ATP8B4: variants seen among roughly 807,000 people sequenced by gnomAD.
The protein encoded by ATP8B4 is probable phospholipid-transporting ATPase IM.
In ATP8B4, 133 loss-of-function variants were observed where a neutral mutation model predicts 145.6. The observed-to-expected ratio is 0.91, with a 90% CI of 0.79 to 1.05. ATP8B4 has a LOEUF of 1.05. ATP8B4 is among the 50% of genes least tolerant of loss of function. The pLI is 0.00. For missense variants in ATP8B4, 1,458 were observed against 1,425.2 expected (o/e 1.02, Z -0.37); for synonymous variants, 507 against 492.9 (o/e 1.03, Z -0.38).
At chr15:50,029,253 A>C (rs936468516) in intron 6 of ATP8B4, among the ~76,000 whole-genome samples, 1 of 151,116 alleles carries the variant, frequency 6.6e-6, no homozygotes, top group Non-Finnish European at 1.5e-5. Context: ...AAAAAAAAAA[A>C]AAAACAGAAA....
chr15:50,002,302 A>G, intron 7 of ATP8B4, 79 bp from the exon 8 acceptor site: 3 of 1,157,248 alleles, frequency 2.6e-6, no homozygotes, highest in Non-Finnish European at 3.7e-6. Flanking sequence ...TCACCTCTTG[A>G]CTACTAAAGA....
intron 3 of ATP8B4, among the ~76,000 whole-genome samples, chr15:50,069,798 A>G (rs1423600777): frequency 6.6e-6 from 1 of 152,214 alleles, no homozygotes; most frequent in Non-Finnish European, 1.5e-5. Context: ...AGTCTGCACT[A>G]GAATTCCAGC....
chr15:50,071,729 T>C (rs1424300087), intron 3 of ATP8B4, among the ~76,000 whole-genome samples: 1 of 152,172 alleles, frequency 6.6e-6, no homozygotes. Flanking sequence ...AGAGTGACAT[T>C]TGTCACCTTG....
At chr15:50,023,779 C>CAAAAAAAAAAAAAAAAAAAAA (rs60030651) in intron 6 of ATP8B4, among the ~76,000 whole-genome samples, 172 of 74,788 alleles carry the variant, frequency 2.3e-3, no homozygotes, top group Non-Finnish European at 2.6e-3. Flanking sequence ...AGACCAAAGG[C>CAAAAAAAAAAAAAAAAAAAAA]AAAAAAAAAA....
intron 20 of ATP8B4, among the ~76,000 whole-genome samples, chr15:49,904,115 C>A (rs560908455): frequency 6.6e-6 from 1 of 152,138 alleles, no homozygotes; most frequent in Admixed American, 6.5e-5. Context: ...CTGGAACCTA[C>A]GTCTTCATAT....
At chr15:49,951,899 A>C (rs1193601244) in intron 14 of ATP8B4, among the ~76,000 whole-genome samples, 1 of 152,124 alleles carries the variant, frequency 6.6e-6, no homozygotes, top group Non-Finnish European at 1.5e-5. Context: ...TGGTAACAAA[A>C]TCCCTCAGCA....
Position 49,972,620 on chromosome 15 carries a change from A to G in ATP8B4, c.1205T>C (p.Met402Thr), listed in dbSNP as rs1232326075. 1 of 1,613,856 alleles carries G rather than the reference A, an allele frequency of 6.2e-7. No homozygotes were observed. The highest frequency in any genetic ancestry group is 8.5e-7 in the Non-Finnish European group (1 of 1,179,944). ...DKTGTLTQNI[M>T]TFKRCSINGR... ...ATTAATGGAACATCTTTTAAAGGTC[A>G]TGATGTTTTGAGTGAGGGTACCCGT... The change falls in exon 13 of 28, where the codon ATG (methionine) becomes ACG (threonine). Residue 402 changes from methionine to threonine, a missense_variant. Transcript: ENST00000284509.
intron 2 of ATP8B4, among the ~76,000 whole-genome samples, chr15:50,096,199 A>C (rs2055973613): frequency 6.6e-6 from 1 of 152,186 alleles, no homozygotes; most frequent in South Asian, 2.1e-4. Context: ...AGAAGCAAGA[A>C]GAATCTGCAT....
At chr15:50,154,364 C>G (rs1219284175) in intron 1 of ATP8B4, among the ~76,000 whole-genome samples, 1 of 152,060 alleles carries the variant, frequency 6.6e-6, no homozygotes, top group Non-Finnish European at 1.5e-5. Flanking sequence ...CTTTCTAAAT[C>G]CATATATTGA....
chr15:50,141,816 C>T (rs1474033698), intron 1 of ATP8B4, among the ~76,000 whole-genome samples: 1 of 152,138 alleles, frequency 6.6e-6, no homozygotes, highest in Non-Finnish European at 1.5e-5. Flanking sequence ...CTTTCCTCAA[C>T]CACACTAGCT....
intron 1 of ATP8B4, among the ~76,000 whole-genome samples, chr15:50,156,220 G>GTTTT (rs764123520): frequency 5.4e-5 from 8 of 147,976 alleles, no homozygotes; most frequent in Non-Finnish European, 6.0e-5. Flanking sequence ...GTTTTGTTTT[G>GTTTT]TTGCTTTTCC....
intron 6 of ATP8B4, chr15:50,019,106 T>C (rs1168391446): frequency 1.0e-5 from 5 of 490,616 alleles, no homozygotes; most frequent in Non-Finnish European, 1.5e-5. Flanking sequence ...GGATGACTTT[T>C]TAGGAACAAT....
rs567399512 is a variant in ATP8B4 at position 49,903,111 on chromosome 15, G to C, written c.2142-1872C>G. ...CTGAAATTGTCACTGCACTTTCTCT[G>C]TACAGGCCAACGTCTCTTGGCCAGA... On this transcript the variant is annotated intron_variant, in intron 20 of 27. Coordinates refer to ENST00000284509, the MANE Select transcript of ATP8B4 (RefSeq NM_024837.4). Among the ~76,000 whole-genome samples, 4 of 152,210 alleles carry C rather than the reference G, an allele frequency of 2.6e-5. No homozygotes were observed. The South Asian group carries it at 8.3e-4, about 32-fold the overall frequency.
At chr15:50,015,608 T>C (rs1036698045) in intron 6 of ATP8B4, among the ~76,000 whole-genome samples, 20 of 152,326 alleles carry the variant, frequency 1.3e-4, no homozygotes, top group African/African-American at 4.6e-4. Context: ...TTAAAACCAG[T>C]TGATCCAAAG....
intron 1 of ATP8B4, among the ~76,000 whole-genome samples, chr15:50,113,035 C>T (rs1194909125): frequency 6.6e-6 from 1 of 152,132 alleles, no homozygotes; most frequent in African/African-American, 2.4e-5. Context: ...AGGAACAAGC[C>T]CTTCTCTCCT....
At chr15:49,911,591 G>A (rs2039235561) in intron 20 of ATP8B4, among the ~76,000 whole-genome samples, 1 of 152,018 alleles carries the variant, frequency 6.6e-6, no homozygotes, top group African/African-American at 2.4e-5. Context: ...ATAATAATGA[G>A]GGACTTCAAC....
intron 8 of ATP8B4, among the ~76,000 whole-genome samples, chr15:49,997,388 T>C (rs2047515227): frequency 6.6e-6 from 1 of 152,142 alleles, no homozygotes; most frequent in South Asian, 2.1e-4. Context: ...TAAGATTCTA[T>C]GGCCATCACT....
intron 23 of ATP8B4, among the ~76,000 whole-genome samples, chr15:49,883,783 T>A (rs1034158273): frequency 6.6e-5 from 10 of 151,926 alleles, no homozygotes; most frequent in Admixed American, 1.3e-4. Context: ...ACAATTTTTT[T>A]AAATTATATT....
At chr15:50,067,524 T>C (rs2053464661) in intron 3 of ATP8B4, among the ~76,000 whole-genome samples, 1 of 152,182 alleles carries the variant, frequency 6.6e-6, no homozygotes, top group Non-Finnish European at 1.5e-5. Flanking sequence ...AACACTTTCG[T>C]GTACTTTGAG....
Sources: gnomAD v4.1 joint callset for allele counts (sites outside exome capture counted in the v4.1 genomes callset) on GRCh38, gnomAD v4.1.1 for gene constraint, MANE v1.5 for transcripts, NCBI Gene and HGNC (gene_info 2026-07-23, HGNC 2026-07-21) for gene names.